The following NDST3 variants were observed in gnomAD, a reference collection of about 807,000 sequenced individuals.
The protein encoded by NDST3 is N-deacetylase and N-sulfotransferase 3.
A neutral mutation model predicts 96.1 loss-of-function variants in NDST3; 58 were observed. That is an observed-to-expected ratio of 0.60 (90% CI 0.49 to 0.75). The LOEUF (loss-of-function observed/expected upper bound fraction) is 0.75. Among genes scored for constraint, NDST3 ranks in the 30% least tolerant of loss-of-function variants. The pLI is 0.00. For synonymous variants in NDST3, 333 were observed against 359.7 expected, an observed-to-expected ratio of 0.93 and a Z score of 0.84; for missense variants, 788 against 1,034.2, an observed-to-expected ratio of 0.76 and a Z score of 3.27.
In NDST3 at chr4:118,053,959, C is replaced by T. The variant is rs755220481; in HGVS notation, c.49C>T (p.Leu17=). ...LHRHFQRTVI[L]LATFCMVSII... The stretch of plus-strand genomic sequence containing the variant: ...CAGACACTTTCAAAGAACAGTCATT[C>T]TGCTTGCCACTTTTTGTATGGTGAG... The change falls in exon 2 of 14, where the codon CTG becomes TTG. Residue 17 remains leucine, a synonymous_variant. Coordinates refer to ENST00000296499, the MANE Select transcript of NDST3 (RefSeq NM_004784.3). The T allele has an allele frequency of 3.7e-6, 6 of 1,611,516 alleles. No individual in the cohort carries two copies. In the South Asian group the frequency reaches 6.6e-5, roughly 18 times the overall value.
At chr4:118,194,271 G>GA in intron 6 of NDST3, 1 of 727,498 alleles carries the variant, frequency 1.4e-6, no homozygotes, top group South Asian at 1.5e-5. Flanking sequence ...TTGGGCCTGG[G>GA]ATAGCCTTCA....
chr4:118,044,911 T>C (rs1176339568), intron 1 of NDST3, among the ~76,000 whole-genome samples: 1 of 152,094 alleles, frequency 6.6e-6, no homozygotes. Context: ...TATCTATTCA[T>C]GAGGGCAGAC....
chr4:118,053,679 A>C, intron 1 of NDST3, 77 bp from the exon 2 acceptor site: 1 of 434,444 alleles, frequency 2.3e-6, no homozygotes, highest in Non-Finnish European at 4.1e-6. Flanking sequence ...TCTGCCACTT[A>C]TGCTAGTCAA....
intron 4 of NDST3, among the ~76,000 whole-genome samples, chr4:118,131,851 G>C (rs1293855424): frequency 4.6e-5 from 7 of 152,008 alleles, no homozygotes; most frequent in African/African-American, 1.2e-4. Context: ...CTAGAAGAAG[G>C]CTCTGGATTA....
chr4:118,236,574 C>T (rs191919535), intron 9 of NDST3, among the ~76,000 whole-genome samples: 9 of 152,092 alleles, frequency 5.9e-5, no homozygotes, highest in East Asian at 1.9e-4. Context: ...AACGTAACAC[C>T]GGCACAATAC....
intron 6 of NDST3, among the ~76,000 whole-genome samples, chr4:118,153,916 T>C (rs1286772970): frequency 6.6e-6 from 1 of 152,032 alleles, no homozygotes; most frequent in Non-Finnish European, 1.5e-5. Context: ...GATATGAGTA[T>C]GGAAATAAAC....
At chr4:118,164,001 A>G (rs28848859) in intron 6 of NDST3, among the ~76,000 whole-genome samples, 11,161 of 152,128 alleles carry the variant, frequency 0.073, 916 homozygotes, top group African/African-American at 0.2. Context: ...TACTAGATAC[A>G]TACCCAAAGG....
intron 2 of NDST3, among the ~76,000 whole-genome samples, chr4:118,058,201 A>C (rs1159169849): frequency 6.6e-6 from 1 of 152,046 alleles, no homozygotes; most frequent in South Asian, 2.1e-4. Context: ...AGGAGAGTGC[A>C]AGACATAAAT....
chr4:118,151,546 G>C (rs1230708362), intron 6 of NDST3, among the ~76,000 whole-genome samples: 1 of 152,012 alleles, frequency 6.6e-6, no homozygotes, highest in Non-Finnish European at 1.5e-5. Flanking sequence ...TGACCTAGGG[G>C]CTCTACATAC....
At chr4:118,037,530 C>T (rs1445126015) in intron 1 of NDST3, among the ~76,000 whole-genome samples, 1 of 152,134 alleles carries the variant, frequency 6.6e-6, no homozygotes, top group East Asian at 1.9e-4. Context: ...TACATTGTCT[C>T]TCTATAGGTT....
intron 1 of NDST3, among the ~76,000 whole-genome samples, chr4:118,050,449 A>G (rs1725014215): frequency 6.6e-6 from 1 of 152,184 alleles, no homozygotes; most frequent in Non-Finnish European, 1.5e-5. Flanking sequence ...TGCTGATGAT[A>G]TGATTCTATA....
intron 2 of NDST3, among the ~76,000 whole-genome samples, chr4:118,070,263 T>C (rs1430602801): frequency 6.6e-6 from 1 of 152,076 alleles, no homozygotes; most frequent in East Asian, 1.9e-4. Flanking sequence ...CCAGCACCAA[T>C]TGACTTGAGC....
At chr4:118,199,054 G>T (rs899589449) in intron 6 of NDST3, among the ~76,000 whole-genome samples, 1 of 151,978 alleles carries the variant, frequency 6.6e-6, no homozygotes, top group Non-Finnish European at 1.5e-5. Context: ...AATCTGCTTG[G>T]TGTTCTGTAA....
At chr4:118,118,118 A>T (rs1378916953) in intron 4 of NDST3, among the ~76,000 whole-genome samples, 4 of 152,228 alleles carry the variant, frequency 2.6e-5, no homozygotes. Context: ...CTCTGGAGAA[A>T]ATTCTACTTC....
At chr4:118,085,077 C>T (rs1728315741) in intron 2 of NDST3, among the ~76,000 whole-genome samples, 1 of 152,086 alleles carries the variant, frequency 6.6e-6, no homozygotes, top group Admixed American at 6.6e-5. Flanking sequence ...GAGCTGAGAT[C>T]ACGCTATTGC....
At chr4:118,058,638 C>T (rs932381989) in intron 2 of NDST3, among the ~76,000 whole-genome samples, 53 of 9,592 alleles carry the variant, frequency 5.5e-3, no homozygotes, top group Non-Finnish European at 6.9e-3. Context: ...TGTGTGTGCG[C>T]GCGCGCGCAC....
At chr4:118,077,165 G>A (rs1371147025) in intron 2 of NDST3, among the ~76,000 whole-genome samples, 1 of 152,134 alleles carries the variant, frequency 6.6e-6, no homozygotes, top group African/African-American at 2.4e-5. Context: ...GCGCAGGAAG[G>A]GCCAATGTGT....
At chr4:118,063,820 T>C (rs916751578) in intron 2 of NDST3, among the ~76,000 whole-genome samples, 3 of 152,148 alleles carry the variant, frequency 2.0e-5, no homozygotes, top group African/African-American at 7.2e-5. Flanking sequence ...ATTCCTAGAA[T>C]ACAAAATGCA....
intron 1 of NDST3, among the ~76,000 whole-genome samples, chr4:118,044,052 A>G (rs1724614787): frequency 6.6e-6 from 1 of 152,112 alleles, no homozygotes; most frequent in African/African-American, 2.4e-5. Flanking sequence ...GAGAGCAAAT[A>G]CTCTTCACCA....
Sources: gnomAD v4.1 joint callset for allele counts (sites outside exome capture counted in the v4.1 genomes callset) on GRCh38, gnomAD v4.1.1 for gene constraint, MANE v1.5 for transcripts, NCBI Gene and HGNC (gene_info 2026-07-23, HGNC 2026-07-21) for gene names.